The following TRPM1 variants were observed in gnomAD, a reference collection of about 807,000 sequenced individuals.
TRPM1 encodes transient receptor potential cation channel subfamily M member 1, also known as TRPM1-203 APA Isoform, Intron 10.
Under a neutral mutation model 149.4 loss-of-function variants are expected in TRPM1, and 113 were observed. The ratio of observed to expected loss-of-function variants is 0.76; its 90% confidence interval spans 0.65 to 0.88. The LOEUF (loss-of-function observed/expected upper bound fraction) is 0.88. Among genes scored for constraint, TRPM1 ranks in the 40% least tolerant of loss-of-function variants. The probability of loss-of-function intolerance (pLI) is 0.00; values close to 1 mark genes in which losing one functional copy is unlikely to be tolerated. For missense variants in TRPM1, 1,976 were observed against 2,038.7 expected, an observed-to-expected ratio of 0.97 and a Z score of 0.59; for synonymous variants, 741 against 759.5, an observed-to-expected ratio of 0.98 and a Z score of 0.40.
At chr15:31,129,193 G>T (rs751542880) in intron 1 of TRPM1, among the ~76,000 whole-genome samples, 10 of 152,338 alleles carry the variant, frequency 6.6e-5, no homozygotes, top group Middle Eastern at 6.8e-3. Context: ...CTGGAGCTGG[G>T]CAGGTCCCTT....
chr15:31,012,449 G>A (rs1173083865), intron 27 of TRPM1, among the ~76,000 whole-genome samples: 1 of 152,148 alleles, frequency 6.6e-6, no homozygotes, highest in Non-Finnish European at 1.5e-5. Flanking sequence ...AGGTCTTCTG[G>A]TCTTCCTGGC....
intron 1 of TRPM1, among the ~76,000 whole-genome samples, chr15:31,089,327 A>G (rs2035149229): frequency 6.6e-6 from 1 of 151,440 alleles, no homozygotes; most frequent in Admixed American, 6.6e-5. Flanking sequence ...TTTGGTTGTT[A>G]ACTTTTCCCA....
At chr15:31,128,034 C>G (rs2035973186) in intron 1 of TRPM1, among the ~76,000 whole-genome samples, 1 of 152,116 alleles carries the variant, frequency 6.6e-6, no homozygotes, top group African/African-American at 2.4e-5. Flanking sequence ...GGGCTGAAAC[C>G]AGATCTTTAT....
At chr15:31,152,744 G>A (rs1365371296) in intron 1 of TRPM1, among the ~76,000 whole-genome samples, 1 of 152,130 alleles carries the variant, frequency 6.6e-6, no homozygotes, top group African/African-American at 2.4e-5. Context: ...CCAAGATTAA[G>A]TGATCCTCCC....
chr15:31,059,381 G>A (rs1207057212), intron 11 of TRPM1, among the ~76,000 whole-genome samples: 1 of 152,120 alleles, frequency 6.6e-6, no homozygotes, highest in Admixed American at 6.5e-5. Flanking sequence ...TGCCAGGGAT[G>A]TTTTGAGAAA....
intron 1 of TRPM1, among the ~76,000 whole-genome samples, chr15:31,136,713 T>TGATGTTTGTTTCTGCTTTCC (rs2036092794): frequency 6.6e-6 from 1 of 152,066 alleles, no homozygotes; most frequent in Non-Finnish European, 1.5e-5. Flanking sequence ...ATCTGCTTTT[T>TGATGTTTGTTTCTGCTTTCC]GCTGTTTGTT....
rs1277859470 is a variant in TRPM1, at chr15:31,060,118, T to TACAGACACAC, written c.1263+416_1263+425dup. On this transcript the variant is annotated intron_variant, in intron 11 of 27. Transcript: ENST00000256552. ...TGCACACAGACACCCTATACACACA[T>TACAGACACAC]ACAGACACACACATAGACACACACA... 2.6e-4 allele frequency: 33 copies of TACAGACACAC among 126,124 alleles called. No individual in the cohort carries two copies. In the East Asian group the frequency reaches 0.014, roughly 53 times the overall value. The allele number at this position is 126,124 out of a possible 1,614,324, so 7.8% of individuals were successfully genotyped here.
Position 31,108,943 on chromosome 15 carries a change from T to C in TRPM1, c.55-31959A>G, listed in dbSNP as rs527920876. Among the ~76,000 whole-genome samples, 4 of 152,332 alleles carry C rather than the reference T, an allele frequency of 2.6e-5. No individual in the cohort carries two copies. In the East Asian group the frequency reaches 7.7e-4, roughly 29 times the overall value. On this transcript the variant is annotated intron_variant, in intron 1 of 26. Transcript: ENST00000542188. ...CTTCTTGCTTCCTTGATATCCACAG[T>C]CTATTTAATTGAATTTATCATTGAG...
chr15:31,135,004 G>GA (rs141294877), intron 1 of TRPM1, among the ~76,000 whole-genome samples: 1,793 of 146,758 alleles, frequency 0.012, 21 homozygotes, highest in Non-Finnish European at 0.021. Flanking sequence ...ATCTCAAAAG[G>GA]AAAAAAAAAA....
At chr15:31,046,538 A>G (rs2033769957) in intron 15 of TRPM1, among the ~76,000 whole-genome samples, 1 of 152,194 alleles carries the variant, frequency 6.6e-6, no homozygotes, top group African/African-American at 2.4e-5. Context: ...AGAGGAGGGC[A>G]TCATGAAAGA....
chr15:31,049,491 C>T lies in TRPM1; in HGVS notation c.1456G>A (p.Ala486Thr), dbSNP rs1176562657. 6.2e-7 allele frequency: 1 copy of T among 1,614,098 alleles called. No individual in the cohort carries two copies. The highest frequency in any genetic ancestry group is 1.1e-5 in the South Asian group (1 of 91,086). Residue 486 changes from alanine to threonine, a missense_variant, in exon 13 of 28, where the codon GCG (alanine) becomes ACG (threonine). By Grantham distance (58) the Ala-to-Thr change is moderately conservative. Transcript: ENST00000256552. ...TCTAAGACTAAAGCATCTAGCATCG[C>T]TTGCTCCAAAGCATTCACCTGCAGG... ...LLNWVNALEQ[A>T]MLDALVLDRV...
In TRPM1 at chr15:31,037,973, G is replaced by A. The variant is rs943448909; in HGVS notation, c.2439+71C>T. 3.1e-6 allele frequency: 5 copies of A among 1,610,470 alleles called. No homozygotes were observed. The Admixed American group carries it at 8.3e-5, about 27-fold the overall frequency. ...TAACCAGTGAGATTTCTCAATCTGT[G>A]GTACAAGAAATCTCAACAATTTTGA... is the stretch of plus-strand genomic sequence containing the variant. On this transcript the variant is annotated intron_variant, in intron 19 of 27. Coordinates refer to ENST00000256552, the MANE Select transcript of TRPM1 (RefSeq NM_001252024.2).
intron 27 of TRPM1, among the ~76,000 whole-genome samples, chr15:31,015,411 T>TA (rs555343032): frequency 0.093 from 12,583 of 135,128 alleles, 850 homozygotes; most frequent in African/African-American, 0.19. Context: ...GACTCCGTCT[T>TA]AAAAAAAAAA....
At chr15:31,099,040 T>C (rs2035457238) in intron 1 of TRPM1, among the ~76,000 whole-genome samples, 1 of 152,170 alleles carries the variant, frequency 6.6e-6, no homozygotes, top group Admixed American at 6.5e-5. Context: ...TAGATACTAA[T>C]ATGTGCTTTC....
intron 7 of TRPM1, among the ~76,000 whole-genome samples, chr15:31,065,846 G>C (rs571274655): frequency 2.6e-5 from 4 of 152,308 alleles, no homozygotes; most frequent in Admixed American, 2.6e-4. Flanking sequence ...GAGCACTGAG[G>C]GTTATTTCGT....
rs533765502 is a variant in TRPM1 at position 31,147,175 on chromosome 15, G to A, written c.54+13731C>T. ...CAGTTGAGGCCTTTAAACTAGATTCGTTGTCATTTGGTCTTTTCACAGTCA... is the reference window on the plus strand; with the variant it reads ...CAGTTGAGGCCTTTAAACTAGATTCATTGTCATTTGGTCTTTTCACAGTCA... On this transcript the variant is annotated intron_variant, in intron 1 of 26. Transcript: ENST00000542188. Among the ~76,000 whole-genome samples the A allele has an allele frequency of 1.7e-4, 26 of 152,236 alleles. 1 individual carries two copies. The highest frequency in any genetic ancestry group is 5.1e-4 in the African/African-American group (21 of 41,532).
intron 25 of TRPM1, 31 bp downstream of exon 25, chr15:31,028,301 T>C (rs1319317134): frequency 6.2e-7 from 1 of 1,613,782 alleles, no homozygotes; most frequent in African/African-American, 1.3e-5. Flanking sequence ...TAATAAATAA[T>C]AAGCATGTGG....
At chr15:31,116,316 C>T (rs1488198727) in intron 1 of TRPM1, among the ~76,000 whole-genome samples, 1 of 152,150 alleles carries the variant, frequency 6.6e-6, no homozygotes, top group Non-Finnish European at 1.5e-5. Context: ...CTAATTACAG[C>T]ATTCTAAAGT....
At chr15:31,113,590 G>A (rs560293223) in intron 1 of TRPM1, among the ~76,000 whole-genome samples, 1 of 152,052 alleles carries the variant, frequency 6.6e-6, no homozygotes, top group Non-Finnish European at 1.5e-5. Flanking sequence ...TACAACTGCA[G>A]GTTTGTTACA....
Sources: allele counts gnomAD v4.1 joint callset (sites outside exome capture counted in the v4.1 genomes callset), GRCh38; gene constraint gnomAD v4.1.1; transcripts MANE v1.5; gene names NCBI Gene and HGNC (gene_info 2026-07-23, HGNC 2026-07-21).